The following CHRDL2 variants were observed in gnomAD, a reference collection of about 807,000 sequenced individuals.
CHRDL2 encodes chordin like 2.
A neutral mutation model predicts 54.3 loss-of-function variants in CHRDL2; 41 were observed. That is an observed-to-expected ratio of 0.76 (90% confidence interval 0.59 to 0.98). The LOEUF is 0.98. CHRDL2 is among the 50% of genes least tolerant of loss of function. The pLI, the probability that CHRDL2 is intolerant of heterozygous loss-of-function variation, is 0.00. For synonymous variants in CHRDL2, 220 were observed against 224.3 expected, an observed-to-expected ratio of 0.98 and a Z score of 0.17; for missense variants, 518 against 562.4, an observed-to-expected ratio of 0.92 and a Z score of 0.80.
At chr11:74,702,519 T>G (rs529662154) in intron 9 of CHRDL2, among the ~76,000 whole-genome samples, 1 of 152,278 alleles carries the variant, frequency 6.6e-6, no homozygotes, top group Non-Finnish European at 1.5e-5. Context: ...TGTCTATTTC[T>G]CCCTGCCTGG....
rs767545092 is a variant in CHRDL2, at chr11:74,710,840, A to C, written c.432+9T>G. 12 of 1,613,778 alleles carry C rather than the reference A, an allele frequency of 7.4e-6. No homozygotes were observed. The South Asian group carries it at 1.1e-4, about 15-fold the overall frequency. ...TGGCCTGTGCTGAAGGGAAGGCAGG[A>C]GTTCTTACTGTGCAGCTGCAGAGGA... On this transcript the variant is annotated intron_variant, in intron 4 of 10. Coordinates refer to ENST00000376332, the MANE Select transcript of CHRDL2 (RefSeq NM_001278473.3).
chr11:74,715,414 G>A (rs1394315121), intron 2 of CHRDL2, among the ~76,000 whole-genome samples: 2 of 152,018 alleles, frequency 1.3e-5, no homozygotes, highest in Non-Finnish European at 2.9e-5. Context: ...GACCAGCCTG[G>A]CCAACATGGC....
chr11:74,708,156 G>T (rs1170402531), intron 5 of CHRDL2, 146 bp downstream of exon 5: 3 of 536,756 alleles, frequency 5.6e-6, no homozygotes, highest in East Asian at 3.6e-5. Flanking sequence ...TTTCTGGGGG[G>T]TGCAGGCTAA....
At chr11:74,710,774 C>A in intron 4 of CHRDL2, 75 bp downstream of exon 4, 2 of 1,518,292 alleles carry the variant, frequency 1.3e-6, no homozygotes, top group South Asian at 1.3e-5. Context: ...TCCCCCCAGT[C>A]CGCAGTCCAG....
chr11:74,713,353 C>A, intron 3 of CHRDL2, 33 bp downstream of exon 3: 1 of 1,583,300 alleles, frequency 6.3e-7, no homozygotes, highest in Non-Finnish European at 8.7e-7. Flanking sequence ...GGAGAAAGGT[C>A]CATGGACGAT....
intron 9 of CHRDL2, among the ~76,000 whole-genome samples, chr11:74,700,616 C>A (rs2033769694): frequency 6.9e-6 from 1 of 145,732 alleles, no homozygotes; most frequent in Non-Finnish European, 1.5e-5. Flanking sequence ...CTGATGGAAT[C>A]TTTTTTTTAT....
intron 9 of CHRDL2, chr11:74,698,723 C>A (rs1162640396): frequency 6.6e-6 from 1 of 150,968 alleles, no homozygotes. Context: ...ACACACACAC[C>A]CCACATACCC....
intron 1 of CHRDL2, among the ~76,000 whole-genome samples, chr11:74,722,492 G>A (rs946383270): frequency 6.6e-6 from 1 of 152,082 alleles, no homozygotes; most frequent in Non-Finnish European, 1.5e-5. Flanking sequence ...AATTAGGTCA[G>A]ATAATATATG....
intron 7 of CHRDL2, 79 bp from the exon 8 acceptor site, chr11:74,703,578 T>C (rs1436511699): frequency 9.2e-6 from 12 of 1,301,012 alleles, no homozygotes; most frequent in Non-Finnish European, 1.3e-5. Context: ...GCGGGTGGGG[T>C]GGGCCCTTGG....
intron 5 of CHRDL2, among the ~76,000 whole-genome samples, chr11:74,707,539 C>A (rs1446228902): frequency 6.6e-6 from 1 of 152,184 alleles, no homozygotes; most frequent in Non-Finnish European, 1.5e-5. Context: ...ATGTTCTGAG[C>A]CCTGGTGAGC....
In CHRDL2 at chr11:74,697,061, G is replaced by A. The variant is rs7131683; in HGVS notation, c.1213+144C>T. The A allele has an allele frequency of 0.91, 577,316 of 632,252 alleles. 264,672 individuals carry two copies. The highest frequency in any genetic ancestry group is 0.97 in the African/African-American group (53,348 of 55,106). 39.2% of individuals were successfully genotyped at this position (632,252 alleles called of 1,614,324 possible). On this transcript the variant is annotated intron_variant, in intron 10 of 10. Transcript: ENST00000376332. The stretch of plus-strand genomic sequence containing the variant: ...TAGGAAATCTCTGGCGCAGACACCC[G>A]CTGGATTCCTGTGCTGGGAACTGAC...
chr11:74,722,820 A>G (rs1461991149), intron 1 of CHRDL2, among the ~76,000 whole-genome samples: 1 of 152,140 alleles, frequency 6.6e-6, no homozygotes, highest in Non-Finnish European at 1.5e-5. Flanking sequence ...TTGGGCGGGG[A>G]TACAGAGATG....
rs1453343286 is a variant in CHRDL2 at position 74,703,321 on chromosome 11, G to T, written c.930C>A (p.Cys310Ter). The T allele has an allele frequency of 6.2e-7, 1 of 1,606,416 alleles. No homozygotes were observed. Among genetic ancestry groups the T allele is most frequent in the African/African-American group, 1.3e-5 (1 of 74,674 alleles). Residue 310 changes from cysteine to a stop codon, truncating the protein, a stop_gained, in exon 8 of 11, where the codon TGC (cysteine) becomes TGA (stop). Transcript: ENST00000376332. LOFTEE classifies it high-confidence loss of function. Reference sequence around the variant, plus strand: ...CCTGTGTACCTGGGCAAATCTTGCAGCACTTCCCAGCCACTTTCTCGGGGT... The same window carrying T: ...CCTGTGTACCTGGGCAAATCTTGCATCACTTCCCAGCCACTTTCTCGGGGT... ...CRHPEKVAGKCCKICPEDKAD... is the reference protein window; with the variant it reads ...CRHPEKVAGK
At chr11:74,718,883 AC>A in intron 1 of CHRDL2, 51 bp from the exon 2 acceptor site, 2 of 1,128,418 alleles carry the variant, frequency 1.8e-6, no homozygotes, top group Middle Eastern at 2.0e-4. Context: ...CAGCCCAAAG[AC>A]CCTGTCTCAT....
At chr11:74,703,073 T>C (rs912159119) in intron 8 of CHRDL2, 106 bp from the exon 9 acceptor site, 64 of 1,189,218 alleles carry the variant, frequency 5.4e-5, no homozygotes, top group Non-Finnish European at 6.9e-5. Flanking sequence ...GGAACATTAC[T>C]GATTCTATGT....
intron 9 of CHRDL2, among the ~76,000 whole-genome samples, chr11:74,700,021 GGCA>G (rs1241337777): frequency 6.6e-6 from 1 of 152,240 alleles, no homozygotes; most frequent in African/African-American, 2.4e-5. Context: ...GTGCCATCCT[GGCA>G]CACCTTGGCC....
intron 2 of CHRDL2, among the ~76,000 whole-genome samples, chr11:74,715,602 C>CA (rs1481874961): frequency 1.2e-4 from 15 of 120,986 alleles, no homozygotes; most frequent in Admixed American, 5.2e-4. Flanking sequence ...GACTCCAACT[C>CA]AAAAAAAAAG....
chr11:74,716,609 C>T (rs912113902), intron 2 of CHRDL2, among the ~76,000 whole-genome samples: 3 of 148,652 alleles, frequency 2.0e-5, no homozygotes, highest in Non-Finnish European at 4.5e-5. Flanking sequence ...GAGCCCTCAG[C>T]GGGGAATTTG....
chr11:74,721,181 T>A (rs760483615), intron 1 of CHRDL2, among the ~76,000 whole-genome samples: 2 of 143,256 alleles, frequency 1.4e-5, no homozygotes, highest in Non-Finnish European at 3.2e-5. Context: ...GGGGTGCTGG[T>A]CAGAGCCAGC....
Sources: allele counts gnomAD v4.1 joint callset (sites outside exome capture counted in the v4.1 genomes callset), GRCh38; gene constraint gnomAD v4.1.1; transcripts MANE v1.5; gene names NCBI Gene and HGNC (gene_info 2026-07-23, HGNC 2026-07-21).